ZNF536: variants seen among roughly 807,000 people sequenced by gnomAD.
The protein encoded by ZNF536 is zinc finger protein 536.
A neutral mutation model predicts 84.5 loss-of-function variants in ZNF536; 13 were observed. The observed-to-expected ratio is 0.15, with a 90% CI of 0.10 to 0.24. The LOEUF is 0.24. Among genes scored for constraint, ZNF536 ranks in the 10% least tolerant of loss-of-function variants. ZNF536 has a pLI of 1.00. For missense variants in ZNF536, 1,536 were observed against 1,747.5 expected, an observed-to-expected ratio of 0.88 and a Z score of 2.16; for synonymous variants, 811 against 742.5, an observed-to-expected ratio of 1.09 and a Z score of -1.50.
chr19:30,701,700 G>C (rs551116691), intron 1 of ZNF536, among the ~76,000 whole-genome samples: 15 of 152,302 alleles, frequency 9.8e-5, no homozygotes, highest in African/African-American at 3.4e-4. Context: ...GGAGCAGGTG[G>C]AGAGACGAGC....
chr19:30,463,816 G>C (rs2053263823), intron 2 of ZNF536, among the ~76,000 whole-genome samples: 1 of 152,092 alleles, frequency 6.6e-6, no homozygotes, highest in African/African-American at 2.4e-5. Flanking sequence ...GGGAGCGTGG[G>C]GGTTTGAGAT....
intron 1 of ZNF536, among the ~76,000 whole-genome samples, chr19:30,595,726 C>T (rs2047440213): frequency 6.6e-6 from 1 of 152,200 alleles, no homozygotes; most frequent in Admixed American, 6.5e-5. Context: ...CTGTAGGGGA[C>T]CATTGACTTG....
At chr19:30,592,368 T>C (rs2047306543) in intron 1 of ZNF536, among the ~76,000 whole-genome samples, 1 of 152,190 alleles carries the variant, frequency 6.6e-6, no homozygotes, top group African/African-American at 2.4e-5. Flanking sequence ...GGCAACTTAT[T>C]TGATCACCTT....
At chr19:30,271,765 G>C (rs1033734172) in intron 1 of ZNF536, among the ~76,000 whole-genome samples, 2 of 152,196 alleles carry the variant, frequency 1.3e-5, no homozygotes, top group Non-Finnish European at 2.9e-5. Flanking sequence ...ACCACCTTGT[G>C]AGGTGGAAAC....
At chr19:30,477,617 G>A (rs1445230183) in intron 2 of ZNF536, among the ~76,000 whole-genome samples, 1 of 152,170 alleles carries the variant, frequency 6.6e-6, no homozygotes, top group African/African-American at 2.4e-5. Context: ...TAATTTGTTT[G>A]GAGTGTTGTT....
At chr19:30,421,484 C>A (rs1308673258) in intron 1 of ZNF536, among the ~76,000 whole-genome samples, 1 of 152,094 alleles carries the variant, frequency 6.6e-6, no homozygotes, top group Non-Finnish European at 1.5e-5. Context: ...CAGTTCCTGG[C>A]CTCCTGGGTA....
chr19:30,309,283 T>G (rs2046428127), intron 2 of ZNF536, among the ~76,000 whole-genome samples: 1 of 152,196 alleles, frequency 6.6e-6, no homozygotes, highest in Non-Finnish European at 1.5e-5. Flanking sequence ...AAGACAAAGT[T>G]CCGGGAAGGT....
chr19:30,536,382 C>G (rs111371587), intron 3 of ZNF536, among the ~76,000 whole-genome samples: 48 of 152,274 alleles, frequency 3.2e-4, no homozygotes, highest in Admixed American at 7.2e-4. Flanking sequence ...CCACCTAAAA[C>G]AGCCCTCACA....
At chr19:30,599,987 TG>T (rs1193446810) in intron 1 of ZNF536, among the ~76,000 whole-genome samples, 2 of 115,558 alleles carry the variant, frequency 1.7e-5, no homozygotes, top group Non-Finnish European at 4.4e-5. Context: ...GGAGTGTCAC[TG>T]GGGGAAAAAG....
chr19:30,496,869 T>C (rs576862869), intron 2 of ZNF536, among the ~76,000 whole-genome samples: 10 of 152,114 alleles, frequency 6.6e-5, no homozygotes, highest in Non-Finnish European at 1.5e-4. Context: ...AGGGGCACTG[T>C]GCCACTATTC....
chr19:30,638,748 G>T lies in ZNF536; in HGVS notation c.170-72009G>T, dbSNP rs553307498. Among the ~76,000 whole-genome samples, 6 of 152,306 alleles carry T rather than the reference G, an allele frequency of 3.9e-5. No individual in the cohort carries two copies. The East Asian group carries it at 1.2e-3, about 29-fold the overall frequency. ...GAGAATTTGTCTGGGCTTCTGAGGG[G>T]ATTGTAAGGTAGTCATGGGCCAGAT... On this transcript the variant is annotated intron_variant, in intron 1 of 1. Transcript: ENST00000592773.
chr19:30,468,641 G>T (rs1165596204), intron 2 of ZNF536, among the ~76,000 whole-genome samples: 1 of 152,168 alleles, frequency 6.6e-6, no homozygotes, highest in Non-Finnish European at 1.5e-5. Flanking sequence ...TGGTGGTTGG[G>T]AGAGCTGGGA....
rs148421887 is a variant in ZNF536, at chr19:30,524,596, A to C, written c.2171-10251A>C. 7.2e-4 allele frequency among the ~76,000 whole-genome samples: 109 copies of C among 152,288 alleles called. 1 individual carries two copies. The East Asian group carries it at 0.02, about 27-fold the overall frequency. On this transcript the variant is annotated intron_variant, in intron 2 of 4. Transcript: ENST00000355537. ...TTCCCAGGAGAAAACTCAACTCCGC[A>C]AGTTATAGTGACTGACCAAATACAT...
chr19:30,367,089 G>A (rs1325218820), intron 3 of ZNF536, among the ~76,000 whole-genome samples: 1 of 152,230 alleles, frequency 6.6e-6, no homozygotes, highest in Non-Finnish European at 1.5e-5. Context: ...ACTTCGACAA[G>A]GGTCAGTTTT....
At position 30,344,297 on chromosome 19, in the gene ZNF536, A is replaced by G. The variant is rs1331916471; in HGVS notation, c.-119-8071A>G. 7.0e-5 allele frequency among the ~76,000 whole-genome samples: 2 copies of G among 28,664 alleles called. 1 individual carries two copies. The highest frequency in any genetic ancestry group is 1.2e-4 in the Non-Finnish European group (2 of 17,154). The allele number at this position is 28,664 out of a possible 152,430, so 18.8% of individuals were successfully genotyped here. A position where few individuals can be genotyped will look rare whatever the true frequency, so the allele number is the denominator to read the frequency against. On this transcript the variant is annotated intron_variant, in intron 2 of 5. Coordinates refer to the ZNF536 transcript ENST00000585628. ...CTACTAAAAATACACACACACACAC[A>G]AATATATTGGCGGCCTCCTATAATC...
chr19:30,259,152 G>A (rs753611530), intron 1 of ZNF536, among the ~76,000 whole-genome samples: 1 of 152,150 alleles, frequency 6.6e-6, no homozygotes, highest in Non-Finnish European at 1.5e-5. Flanking sequence ...AGTTGCGGGT[G>A]GGGAGAAGGT....
At chr19:30,340,594 C>A (rs1025806371) in intron 2 of ZNF536, among the ~76,000 whole-genome samples, 3 of 152,160 alleles carry the variant, frequency 2.0e-5, no homozygotes, top group Admixed American at 6.5e-5. Context: ...ACCTTCGCAT[C>A]CCCGTGGATC....
intron 2 of ZNF536, among the ~76,000 whole-genome samples, chr19:30,504,322 C>T (rs2055071590): frequency 6.8e-6 from 1 of 146,160 alleles, no homozygotes; most frequent in Non-Finnish European, 1.5e-5. Context: ...TCCCACCAGC[C>T]TCCTTCCCTA....
chr19:30,364,204 G>A (rs1380121042), intron 3 of ZNF536, among the ~76,000 whole-genome samples: 1 of 152,140 alleles, frequency 6.6e-6, no homozygotes, highest in African/African-American at 2.4e-5. Flanking sequence ...TTGCTGAACT[G>A]ACACAGGGAA....
Sources: gnomAD v4.1 joint callset for allele counts (sites outside exome capture counted in the v4.1 genomes callset) on GRCh38, gnomAD v4.1.1 for gene constraint, MANE v1.5 for transcripts, NCBI Gene and HGNC (gene_info 2026-07-23, HGNC 2026-07-21) for gene names.